Variants in PDZD2 observed in about 807,000 individuals in gnomAD.
PDZD2 encodes PDZ domain containing 2.
PDZD2 carries 90 observed loss-of-function variants against 220.7 expected under a neutral mutation model. The ratio of observed to expected loss-of-function variants is 0.41; its 90% CI spans 0.34 to 0.49. The LOEUF (loss-of-function observed/expected upper bound fraction) is 0.49, where lower values mean the gene tolerates loss of function less well. PDZD2 is among the 20% of genes least tolerant of loss of function. The probability of loss-of-function intolerance (pLI) is 0.28; values close to 1 mark genes in which losing one functional copy is unlikely to be tolerated. For synonymous variants in PDZD2, 1,375 were observed against 1,450.5 expected, an observed-to-expected ratio of 0.95 and a Z score of 1.18; for missense variants, 3,174 against 3,608.5, an observed-to-expected ratio of 0.88 and a Z score of 3.08.
At chr5:31,988,552 A>G (rs1750910143) in intron 3 of PDZD2, among the ~76,000 whole-genome samples, 1 of 152,002 alleles carries the variant, frequency 6.6e-6, no homozygotes, top group African/African-American at 2.4e-5. Context: ...GATTTGTATG[A>G]AGGCTTCATC....
intron 2 of PDZD2, among the ~76,000 whole-genome samples, chr5:31,806,370 C>A (rs1754714617): frequency 1.3e-5 from 2 of 152,170 alleles, no homozygotes. Context: ...GTACCCCAGA[C>A]CCGCTTTAGA....
intron 14 of PDZD2, among the ~76,000 whole-genome samples, chr5:32,064,825 G>A (rs192737599): frequency 5.5e-4 from 81 of 147,326 alleles, no homozygotes; most frequent in African/African-American, 1.9e-3. Context: ...AAAATTAGCC[G>A]GGTGTGCTGG....
At chr5:31,845,582 G>C (rs922286817) in intron 2 of PDZD2, among the ~76,000 whole-genome samples, 5 of 152,240 alleles carry the variant, frequency 3.3e-5, no homozygotes, top group African/African-American at 4.8e-5. Flanking sequence ...TGGGCAAACA[G>C]TGAGTTTGTG....
At chr5:31,797,079 C>T (rs1754083872) in intron 1 of PDZD2, among the ~76,000 whole-genome samples, 1 of 149,778 alleles carries the variant, frequency 6.7e-6, no homozygotes, top group East Asian at 1.9e-4. Context: ...AGGCGCCCGC[C>T]ACCACACCCA....
At chr5:31,980,868 C>T (rs1750239548) in intron 2 of PDZD2, among the ~76,000 whole-genome samples, 2 of 152,158 alleles carry the variant, frequency 1.3e-5, no homozygotes, top group Admixed American at 6.5e-5. Context: ...ACTGCAACCT[C>T]TGCCTTTCGG....
intron 2 of PDZD2, among the ~76,000 whole-genome samples, chr5:31,934,081 A>G (rs776759694): frequency 6.6e-6 from 1 of 152,214 alleles, no homozygotes; most frequent in Non-Finnish European, 1.5e-5. Context: ...TGGTTTTACC[A>G]TAGATTTTTG....
intron 2 of PDZD2, among the ~76,000 whole-genome samples, chr5:31,862,468 C>G (rs564999368): frequency 6.6e-6 from 1 of 152,100 alleles, no homozygotes; most frequent in Admixed American, 6.5e-5. Flanking sequence ...ATTTGCACAC[C>G]TATATCCCCA....
intron 1 of PDZD2, among the ~76,000 whole-genome samples, chr5:31,733,734 T>C (rs1399295201): frequency 6.6e-6 from 1 of 152,198 alleles, no homozygotes; most frequent in Non-Finnish European, 1.5e-5. Context: ...TATATGCAGA[T>C]CCAGCTGTGT....
Position 32,109,857 on chromosome 5 carries a change from G to A in PDZD2, c.*1722G>A, listed in dbSNP as rs1302639148. On this transcript the variant is annotated 3_prime_UTR_variant, in exon 25 of 25. Transcript: ENST00000438447. Reference sequence around the variant, plus strand: ...AACATCTTTGAAGTCGGCCTAGAGAGGTCCTTCAGATGAGAGAGAAATAGC... The same window carrying A: ...AACATCTTTGAAGTCGGCCTAGAGAAGTCCTTCAGATGAGAGAGAAATAGC... 7 of 152,634 alleles carry A rather than the reference G, an allele frequency of 4.6e-5. No individual in the cohort carries two copies. Among genetic ancestry groups the A allele is most frequent in the Non-Finnish European group, 8.8e-5 (6 of 68,048 alleles). The allele number at this position is 152,634 out of a possible 1,614,324, so 9.5% of individuals were successfully genotyped here. A position where few individuals can be genotyped will look rare whatever the true frequency, so the allele number is the denominator to read the frequency against.
At chr5:31,877,785 G>C (rs1264817076) in intron 2 of PDZD2, among the ~76,000 whole-genome samples, 1 of 152,096 alleles carries the variant, frequency 6.6e-6, no homozygotes, top group Non-Finnish European at 1.5e-5. Flanking sequence ...TCCCTCCCGG[G>C]TTCAAGTGAT....
In PDZD2 at chr5:32,074,391, C is replaced by T; in HGVS notation, c.3285C>T (p.Thr1095=). ...PKLEYTVRTD[T]QSPTNTGSPS... ...TGGAATACACAGTCCGTACAGACAC[C>T]CAGAGTCCGACGAACACTGGGAGCC... Residue 1095 remains threonine (T), a synonymous_variant, in exon 18 of 25, where the codon ACC becomes ACT. Transcript: ENST00000438447. The T allele has an allele frequency of 6.2e-7, 1 of 1,614,178 alleles. No individual in the cohort carries two copies. Among genetic ancestry groups the T allele is most frequent in the South Asian group, 1.1e-5 (1 of 91,086 alleles).
intron 2 of PDZD2, chr5:31,909,017 G>C (rs564617256): frequency 2.2e-4 from 61 of 275,166 alleles, no homozygotes; most frequent in Non-Finnish European, 3.6e-4. Flanking sequence ...CTCCAGCCTG[G>C]GTAACAGAGC....
rs566059867 is a variant in PDZD2 at position 31,764,102 on chromosome 5, G to A, written c.-360-34787G>A. 4.6e-5 allele frequency among the ~76,000 whole-genome samples: 7 copies of A among 152,152 alleles called. No homozygotes were observed. The East Asian group carries it at 1.4e-3, about 30-fold the overall frequency. ...ACCCAATCCTGCTCAGGAGGAACTCGGGGACTCAGGGAACCTGAAACTTTT... is the reference window on the plus strand; with the variant it reads ...ACCCAATCCTGCTCAGGAGGAACTCAGGGACTCAGGGAACCTGAAACTTTT... On this transcript the variant is annotated intron_variant, in intron 1 of 24. Coordinates refer to ENST00000438447, the MANE Select transcript of PDZD2 (RefSeq NM_178140.4).
chr5:31,896,323 CGT>C (rs35229609), intron 2 of PDZD2, among the ~76,000 whole-genome samples: 15,776 of 136,216 alleles, frequency 0.12, 649 homozygotes, highest in East Asian at 0.2. Flanking sequence ...TTGATACTCT[CGT>C]GTGTGTGTGT....
chr5:31,836,205 T>C (rs1756932320), intron 2 of PDZD2, among the ~76,000 whole-genome samples: 1 of 148,882 alleles, frequency 6.7e-6, no homozygotes, highest in Non-Finnish European at 1.5e-5. Context: ...GTTTTCTCTA[T>C]AAACCAATAG....
intron 2 of PDZD2, among the ~76,000 whole-genome samples, chr5:31,910,991 T>TA (rs1221550897): frequency 6.6e-6 from 1 of 152,230 alleles, no homozygotes; most frequent in East Asian, 1.9e-4. Flanking sequence ...TTCCCATTGA[T>TA]ATGAGATAAT....
At chr5:31,996,905 A>C (rs1751682964) in intron 4 of PDZD2, among the ~76,000 whole-genome samples, 1 of 152,102 alleles carries the variant, frequency 6.6e-6, no homozygotes, top group Non-Finnish European at 1.5e-5. Flanking sequence ...ACAAAAACTT[A>C]TTTTTTAATC....
At chr5:31,822,584 G>A (rs1316619006) in intron 2 of PDZD2, 13 of 1,134,498 alleles carry the variant, frequency 1.1e-5, no homozygotes, top group East Asian at 5.7e-5. Flanking sequence ...TGAATGGTTC[G>A]TTTTTTCAGA....
At chr5:31,945,812 G>A (rs1396011759) in intron 2 of PDZD2, among the ~76,000 whole-genome samples, 1 of 152,046 alleles carries the variant, frequency 6.6e-6, no homozygotes, top group Non-Finnish European at 1.5e-5. Flanking sequence ...GGGGACAGGT[G>A]CACAGCCATT....
Sources: gnomAD v4.1 joint callset for allele counts (sites outside exome capture counted in the v4.1 genomes callset) on GRCh38, gnomAD v4.1.1 for gene constraint, MANE v1.5 for transcripts, NCBI Gene and HGNC (gene_info 2026-07-23, HGNC 2026-07-21) for gene names.